AGBL4: variants seen among roughly 807,000 people sequenced by gnomAD.
AGBL4 encodes the protein AGBL carboxypeptidase 4, also known as cytosolic carboxypeptidase 6.
A neutral mutation model predicts 66.4 loss-of-function variants in AGBL4; 58 were observed. The ratio of observed to expected loss-of-function variants is 0.87; its 90% CI spans 0.71 to 1.09. AGBL4 has a LOEUF of 1.09. AGBL4 is among the 50% of genes least tolerant of loss of function. The pLI is 0.00. For missense variants in AGBL4, 579 were observed against 631.0 expected (o/e 0.92, Z 0.88); for synonymous variants, 234 against 222.9 (o/e 1.05, Z -0.44).
chr1:48,913,762 G>C (rs954028403), intron 5 of AGBL4, among the ~76,000 whole-genome samples: 10 of 152,200 alleles, frequency 6.6e-5, no homozygotes, highest in African/African-American at 1.9e-4. Flanking sequence ...TAATGTGCTT[G>C]AAACATCCCA....
Position 49,948,109 on chromosome 1 carries a change from T to G in AGBL4, c.34+75654A>C, listed in dbSNP as rs866979433. On this transcript the variant is annotated intron_variant, in intron 1 of 13. Transcript: ENST00000371839. ...AAATATATGTATATGTATATATATG[T>G]AAATGTATGTAAATATATATAAATA... Among the ~76,000 whole-genome samples, 416 of 84,954 alleles carry G rather than the reference T, an allele frequency of 4.9e-3. 7 individuals carry two copies. Among genetic ancestry groups the G allele is most frequent in the African/African-American group, 0.019 (396 of 21,400 alleles). The allele number at this position is 84,954 out of a possible 152,430, so 55.7% of individuals were successfully genotyped here. A position where few individuals can be genotyped will look rare whatever the true frequency, so the allele number is the denominator to read the frequency against.
intron 5 of AGBL4, among the ~76,000 whole-genome samples, chr1:48,870,744 C>G (rs2148828171): frequency 1.3e-5 from 2 of 152,292 alleles, no homozygotes; most frequent in Admixed American, 1.3e-4. Context: ...TAAATTAACA[C>G]TAACCTGGTG....
intron 4 of AGBL4, among the ~76,000 whole-genome samples, chr1:49,142,755 CTT>C (rs947799261): frequency 1.2e-4 from 18 of 152,146 alleles, no homozygotes; most frequent in African/African-American, 3.6e-4. Context: ...AGAATAGAAA[CTT>C]AAATTAATAA....
intron 4 of AGBL4, among the ~76,000 whole-genome samples, chr1:49,232,439 C>T (rs533820522): frequency 1.3e-5 from 2 of 152,186 alleles, no homozygotes; most frequent in South Asian, 2.1e-4. Flanking sequence ...TGGCTCAAGC[C>T]TGTAATCCCA....
rs559658846 is a variant in AGBL4 at position 49,046,146 on chromosome 1, C to T, written c.378-346G>A. 3.9e-4 allele frequency among the ~76,000 whole-genome samples: 59 copies of T among 152,230 alleles called. 1 individual carries two copies. In the South Asian group the frequency reaches 0.012, roughly 32 times the overall value. On this transcript the variant is annotated intron_variant, in intron 4 of 13. Transcript: ENST00000371839. ...CAATAATAAATAAGACAAGGAAGAT[C>T]TCTGTCCTCATGGATAATAGTGGGG...
chr1:48,572,485 G>A (rs182120989), intron 11 of AGBL4, among the ~76,000 whole-genome samples: 3 of 152,106 alleles, frequency 2.0e-5, no homozygotes, highest in Admixed American at 6.5e-5. Context: ...GATAAAAAGT[G>A]GAGAAGGTAA....
intron 1 of AGBL4, among the ~76,000 whole-genome samples, chr1:49,878,046 CTCTTT>C (rs2148131657): frequency 6.6e-6 from 1 of 151,860 alleles, no homozygotes; most frequent in African/African-American, 2.4e-5. Context: ...TGATTCTTCT[CTCTTT>C]TCTTCTTTAT....
At chr1:48,837,739 A>ATATATATATATATATATATC (rs1646717829) in intron 6 of AGBL4, among the ~76,000 whole-genome samples, 4 of 133,026 alleles carry the variant, frequency 3.0e-5, no homozygotes, top group Non-Finnish European at 6.2e-5. Flanking sequence ...ATATATATAT[A>ATATATATATATATATATATC]TATCCTGTTA....
chr1:49,033,509 G>C (rs1003154578), intron 5 of AGBL4, among the ~76,000 whole-genome samples: 1 of 152,098 alleles, frequency 6.6e-6, no homozygotes. Context: ...TGAAGTTACC[G>C]TGCTGGTCAG....
At chr1:48,803,003 C>T (rs953173830) in intron 6 of AGBL4, among the ~76,000 whole-genome samples, 1 of 152,154 alleles carries the variant, frequency 6.6e-6, no homozygotes, top group Non-Finnish European at 1.5e-5. Context: ...AGTACCAACC[C>T]GGGACTATAG....
chr1:49,663,265 C>T (rs1646304647), intron 3 of AGBL4, among the ~76,000 whole-genome samples: 1 of 152,164 alleles, frequency 6.6e-6, no homozygotes, highest in African/African-American at 2.4e-5. Flanking sequence ...AGAGTTTTTG[C>T]TGCACAGCTA....
chr1:49,978,352 G>C (rs752990305), intron 1 of AGBL4, among the ~76,000 whole-genome samples: 1 of 152,120 alleles, frequency 6.6e-6, no homozygotes, highest in Non-Finnish European at 1.5e-5. Context: ...ACTGAGGCCA[G>C]AGAATCACTT....
intron 3 of AGBL4, among the ~76,000 whole-genome samples, chr1:49,386,961 G>A (rs2148585494): frequency 6.6e-6 from 1 of 152,058 alleles, no homozygotes; most frequent in Middle Eastern, 3.4e-3. Context: ...TAACACATAT[G>A]TGATAGCATT....
chr1:49,889,799 T>A (rs1208451977), intron 1 of AGBL4, among the ~76,000 whole-genome samples: 1 of 152,086 alleles, frequency 6.6e-6, no homozygotes, highest in African/African-American at 2.4e-5. Context: ...CTTCTAAATT[T>A]AAACTTCACA....
intron 3 of AGBL4, among the ~76,000 whole-genome samples, chr1:49,291,679 C>T (rs944238444): frequency 4.6e-5 from 7 of 152,186 alleles, no homozygotes; most frequent in African/African-American, 1.4e-4. Context: ...TCTGCATAAC[C>T]AGCAATATTC....
At chr1:49,401,903 A>C (rs1645093922) in intron 3 of AGBL4, among the ~76,000 whole-genome samples, 1 of 152,100 alleles carries the variant, frequency 6.6e-6, no homozygotes, top group Non-Finnish European at 1.5e-5. Flanking sequence ...AAGTTTCAAT[A>C]CTTATAGGTT....
chr1:49,172,547 C>A (rs1196693732), intron 4 of AGBL4, among the ~76,000 whole-genome samples: 1 of 152,054 alleles, frequency 6.6e-6, no homozygotes, highest in African/African-American at 2.4e-5. Flanking sequence ...AAATAATGGG[C>A]AGAACTTTAA....
chr1:49,517,231 A>G (rs552757019), intron 3 of AGBL4, among the ~76,000 whole-genome samples: 169 of 151,666 alleles, frequency 1.1e-3, no homozygotes, highest in African/African-American at 3.9e-3. Context: ...TGTATCTAGT[A>G]TCAAGACCCA....
intron 11 of AGBL4, among the ~76,000 whole-genome samples, chr1:48,556,267 TG>T (rs1165066820): frequency 1.3e-5 from 2 of 152,158 alleles, no homozygotes; most frequent in Non-Finnish European, 2.9e-5. Flanking sequence ...ATGTTTTCTC[TG>T]GAACTTTTCC....
Sources: gnomAD v4.1 joint callset for allele counts (sites outside exome capture counted in the v4.1 genomes callset) on GRCh38, gnomAD v4.1.1 for gene constraint, MANE v1.5 for transcripts, NCBI Gene and HGNC (gene_info 2026-07-23, HGNC 2026-07-21) for gene names.